Variants in RAPGEF1 observed in about 807,000 individuals in gnomAD.
RAPGEF1 encodes the protein Rap guanine nucleotide exchange factor 1, also known as CRK SH3-binding GNRP.
A neutral mutation model predicts 143.3 loss-of-function variants in RAPGEF1; 33 were observed. That is an observed-to-expected ratio of 0.23 (90% CI 0.17 to 0.31). The LOEUF is 0.31. RAPGEF1 is among the 10% of genes least tolerant of loss of function. RAPGEF1 has a pLI of 1.00. For missense variants in RAPGEF1, 1,199 were observed against 1,645.4 expected, an observed-to-expected ratio of 0.73 and a Z score of 4.69; for synonymous variants, 629 against 676.5, an observed-to-expected ratio of 0.93 and a Z score of 1.09.
intron 1 of RAPGEF1, among the ~76,000 whole-genome samples, chr9:131,711,377 A>ATTT (rs1835494875): frequency 1.1e-5 from 1 of 95,084 alleles, no homozygotes. Flanking sequence ...TTTTTTTTTG[A>ATTT]GACAGAGTCT....
chr9:131,713,420 CT>C (rs1340664089), intron 1 of RAPGEF1, among the ~76,000 whole-genome samples: 1 of 152,160 alleles, frequency 6.6e-6, no homozygotes, highest in Admixed American at 6.5e-5. Flanking sequence ...GCCCCCAAAT[CT>C]TTATCCTTGG....
rs1022149462 is a variant in RAPGEF1, at chr9:131,583,250, C to T, written c.3415-548G>A. On this transcript the variant is annotated intron_variant, in intron 24 of 26. Coordinates refer to ENST00000683357, the MANE Select transcript of RAPGEF1 (RefSeq NM_001377935.1). The surrounding 1 kb of genome is among the most constrained non-coding windows in gnomAD (Gnocchi z 4.7). ...CCTGCCCCACTCAGAAGGCCCCTCT[C>T]CTGCCTCTTCTCCTGTTACGTGCCT... Among the ~76,000 whole-genome samples the T allele has an allele frequency of 6.6e-6, 1 of 152,176 alleles. No individual in the cohort carries two copies. The highest frequency in any genetic ancestry group is 1.5e-5 in the Non-Finnish European group (1 of 68,014).
intron 3 of RAPGEF1, among the ~76,000 whole-genome samples, chr9:131,645,732 A>G (rs1969396979): frequency 6.6e-6 from 1 of 152,246 alleles, no homozygotes; most frequent in Admixed American, 6.5e-5. Context: ...GCCTCGCTGC[A>G]TAACCCGAGG....
chr9:131,628,476 G>A lies in RAPGEF1; in HGVS notation c.1017+73C>T. On this transcript the variant is annotated intron_variant, in intron 8 of 26. Coordinates refer to ENST00000683357, the MANE Select transcript of RAPGEF1 (RefSeq NM_001377935.1). The surrounding 1 kb of genome is among the most constrained non-coding windows in gnomAD (Gnocchi z 5.7). ...GCCTGAAGACCATGGGTTTCTTTCA[G>A]CTTCAGGAGCCACATCCCTGAGCCC... The A allele has an allele frequency of 6.4e-7, 1 of 1,566,576 alleles. No individual in the cohort carries two copies. The highest frequency in any genetic ancestry group is 2.3e-5 in the East Asian group (1 of 43,318).
intron 17 of RAPGEF1, among the ~76,000 whole-genome samples, chr9:131,593,278 C>T (rs1302607314): frequency 6.6e-6 from 1 of 152,244 alleles, no homozygotes; most frequent in Non-Finnish European, 1.5e-5. Context: ...AGAATTACAA[C>T]AGCCCTATTT....
intron 10 of RAPGEF1, 107 bp from the exon 11 acceptor site, chr9:131,622,105 C>T: frequency 9.2e-7 from 1 of 1,087,062 alleles, no homozygotes; most frequent in Non-Finnish European, 1.4e-6. Context: ...CTGAAAGCAC[C>T]TCAGAGAGGG....
chr9:131,626,004 T>C lies in RAPGEF1; in HGVS notation c.1620A>G (p.Glu540=), dbSNP rs545727970. Residue 540 remains glutamate, a synonymous_variant, in exon 10 of 27, where the codon GAA becomes GAG. Transcript: ENST00000683357. The part of the protein sequence containing the change: ...FQHGGSSAPV[E]FVGDFTAPES... Reference sequence around the variant, plus strand: ...CAGGAGCAGTAAAATCACCCACAAATTCGACAGGGGCTGAGGAACCTCCAT... The same window carrying C: ...CAGGAGCAGTAAAATCACCCACAAACTCGACAGGGGCTGAGGAACCTCCAT... 16 of 1,609,600 alleles carry C rather than the reference T, an allele frequency of 9.9e-6. No individual in the cohort carries two copies. In the Admixed American group the frequency reaches 1.5e-4, roughly 15 times the overall value.
intron 1 of RAPGEF1, among the ~76,000 whole-genome samples, chr9:131,693,945 T>TTCTCTC (rs368109010): frequency 6.7e-6 from 1 of 149,908 alleles, no homozygotes; most frequent in African/African-American, 2.5e-5. Flanking sequence ...CTCAATCAGT[T>TTCTCTC]TCTCTCTCTC....
chr9:131,596,358 C>T lies in RAPGEF1; in HGVS notation c.2629G>A (p.Asp877Asn). 6.2e-7 allele frequency: 1 copy of T among 1,614,006 alleles called. No homozygotes were observed. Among genetic ancestry groups the T allele is most frequent in the Non-Finnish European group, 8.5e-7 (1 of 1,179,880 alleles). The change falls in exon 17 of 27, where the codon GAC (aspartate) becomes AAC (asparagine). Residue 877 changes from aspartate (D) to asparagine (N), a missense_variant. Physicochemically the swap from Asp to Asn is conservative, Grantham distance 23 (BLOSUM62 1). Around this residue, in one of 6 missense-constraint regions of RAPGEF1, gnomAD observed 209 missense variants for 403.0 expected, o/e 0.52. Coordinates refer to ENST00000683357, the MANE Select transcript of RAPGEF1 (RefSeq NM_001377935.1). The part of the protein sequence containing the change: ...TLKQEGDDGP[D>N]VRGGSGDILL... ...ATGTCCCCAGATCCTCCGCGGACGT[C>T]CGGCCCGTCATCACCCTGTAATGAA... is the stretch of plus-strand genomic sequence containing the variant.
intron 25 of RAPGEF1, among the ~76,000 whole-genome samples, chr9:131,582,268 C>T (rs1025754616): frequency 6.6e-6 from 1 of 152,104 alleles, no homozygotes; most frequent in East Asian, 1.9e-4. Context: ...AGGAGCCATA[C>T]ATCTGTCACA....
rs2132045214 is a variant in RAPGEF1, at chr9:131,578,770, G to C, written c.*727C>G. 6.6e-6 allele frequency: 1 copy of C among 152,526 alleles called. No individual in the cohort carries two copies. The highest frequency in any genetic ancestry group is 2.1e-4 in the South Asian group (1 of 4,822). 9.4% of individuals were successfully genotyped at this position (152,526 alleles called of 1,614,324 possible). A position where few individuals can be genotyped will look rare whatever the true frequency, so the allele number is the denominator to read the frequency against. ...CCCCAGGTGGTGTGGGAGGGGCCCA[G>C]TGGCCTGGGGTGGGGGGTAAGGGGC... On this transcript the variant is annotated 3_prime_UTR_variant, in exon 27 of 27. Transcript: ENST00000683357.
At chr9:131,713,359 C>A (rs564692796) in intron 1 of RAPGEF1, among the ~76,000 whole-genome samples, 1 of 152,288 alleles carries the variant, frequency 6.6e-6, no homozygotes, top group South Asian at 2.1e-4. Context: ...ACAGATTCCT[C>A]AGAGAGGGGC....
chr9:131,584,359 C>T lies in RAPGEF1; in HGVS notation c.3366G>A (p.Leu1122=), dbSNP rs1588164661. The stretch of plus-strand genomic sequence containing the variant: ...CCAGCCTGCGGATGGGCGCCGAGTC[C>T]AGGGCAGAGAGGATGGCCAAGTAGG... The part of the protein sequence containing the change: ...FNSYLAILSA[L]DSAPIRRLEW... Residue 1122 remains leucine (L), a synonymous_variant, in exon 24 of 27, where the codon CTG becomes CTA. Transcript: ENST00000683357. The surrounding 1 kb of genome is among the most constrained non-coding windows in gnomAD (Gnocchi z 6.8). The T allele has an allele frequency of 1.2e-6, 2 of 1,613,810 alleles. No homozygotes were observed. Among genetic ancestry groups the T allele is most frequent in the Admixed American group, 1.7e-5 (1 of 59,992 alleles).
chr9:131,586,285 CCTGCAGAGCCAG>C (rs1952769236), intron 22 of RAPGEF1, among the ~76,000 whole-genome samples: 1 of 126,826 alleles, frequency 7.9e-6, no homozygotes, highest in African/African-American at 3.0e-5. Flanking sequence ...CACACACACA[CCTGCAGAGCCAG>C]ACTCCGTCTC....
At chr9:131,596,991 C>T (rs144792811) in intron 16 of RAPGEF1, among the ~76,000 whole-genome samples, 174 of 152,348 alleles carry the variant, frequency 1.1e-3, no homozygotes, top group African/African-American at 4.0e-3. Context: ...CACCAACCCA[C>T]CTGCCTCTTA....
rs1319575326 is a variant in RAPGEF1 at position 131,596,326 on chromosome 9, C to T, written c.2661G>A (p.Leu887=). Residue 887 remains leucine, a synonymous_variant, in exon 17 of 27, where the codon CTG becomes CTA. Transcript: ENST00000683357. ...DVRGGSGDIL[L]VHATETDRKD... ...TCCTGTCAGTCTCAGTAGCATGGAC[C>T]AGTAAGATGTCCCCAGATCCTCCGC... The T allele has an allele frequency of 6.2e-7, 1 of 1,613,870 alleles. No individual in the cohort carries two copies. Among genetic ancestry groups the T allele is most frequent in the African/African-American group, 1.3e-5 (1 of 74,914 alleles).
At chr9:131,600,252 T>A (rs1438302167) in intron 15 of RAPGEF1, among the ~76,000 whole-genome samples, 1 of 152,094 alleles carries the variant, frequency 6.6e-6, no homozygotes, top group Non-Finnish European at 1.5e-5. Context: ...AGGGACAACA[T>A]CCCATAATTA....
intron 15 of RAPGEF1, among the ~76,000 whole-genome samples, chr9:131,599,212 C>A (rs991274778): frequency 2.0e-5 from 3 of 151,364 alleles, no homozygotes; most frequent in Non-Finnish European, 1.5e-5. Flanking sequence ...GCAGCCCTGA[C>A]CTCCTGGGCT....
chr9:131,581,945 G>A (rs1348061135), intron 25 of RAPGEF1, among the ~76,000 whole-genome samples: 2 of 152,190 alleles, frequency 1.3e-5, no homozygotes, highest in Non-Finnish European at 2.9e-5. Flanking sequence ...TATAGGATGT[G>A]CCATTGAACA....
Sources: allele counts gnomAD v4.1 joint callset (sites outside exome capture counted in the v4.1 genomes callset), GRCh38; gene constraint gnomAD v4.1.1; regional missense constraint gnomAD v4.1.1; non-coding constraint Gnocchi (gnomAD v3.1); transcripts MANE v1.5; gene names NCBI Gene and HGNC (gene_info 2026-07-23, HGNC 2026-07-21).